Variants in DRG1 observed in about 807,000 individuals in gnomAD.
DRG1 encodes the protein developmentally regulated GTP binding protein 1.
In DRG1, 19 loss-of-function variants were observed where a neutral mutation model predicts 38.8. The observed-to-expected ratio is 0.49, with a 90% CI of 0.34 to 0.72. The LOEUF (loss-of-function observed/expected upper bound fraction) is 0.72, where lower values mean the gene tolerates loss of function less well. DRG1 is among the 30% of genes least tolerant of loss of function. The pLI is 0.01. For missense variants in DRG1, 299 were observed against 444.8 expected, an observed-to-expected ratio of 0.67 and a Z score of 2.95; for synonymous variants, 167 against 157.5, an observed-to-expected ratio of 1.06 and a Z score of -0.45.
At chr22:31,404,000 T>TG (rs869267718) in intron 3 of DRG1, among the ~76,000 whole-genome samples, 1 of 113,772 alleles carries the variant, frequency 8.8e-6, no homozygotes, top group Non-Finnish European at 1.9e-5. Context: ...TTTTTTTTTT[T>TG]GGTAGGATGC....
chr22:31,400,475 G>A (rs1168789485), intron 1 of DRG1, 145 bp from the exon 2 acceptor site: 1 of 959,880 alleles, frequency 1.0e-6, no homozygotes, highest in East Asian at 2.9e-5. Flanking sequence ...TGAGCTGGAT[G>A]GAGGAGATAA....
At chr22:31,430,716 A>C (rs2050133957) in intron 8 of DRG1, among the ~76,000 whole-genome samples, 4 of 151,646 alleles carry the variant, frequency 2.6e-5, no homozygotes, top group Admixed American at 2.6e-4. Flanking sequence ...GGTTCATTTT[A>C]GCCTTCCCAC....
chr22:31,430,090 T>C (rs942344526), intron 8 of DRG1, among the ~76,000 whole-genome samples: 1 of 152,184 alleles, frequency 6.6e-6, no homozygotes, highest in Admixed American at 6.6e-5. Flanking sequence ...TACTTAGATG[T>C]TCCCAAATGA....
chr22:31,415,529 T>G lies in DRG1; in HGVS notation c.412+4448T>G, dbSNP rs538546701. Among the ~76,000 whole-genome samples the G allele has an allele frequency of 7.9e-5, 12 of 152,218 alleles. No individual in the cohort carries two copies. In the East Asian group the frequency reaches 2.1e-3, roughly 27 times the overall value. ...TGTGTGCCACCACGCCTGGCTAATT[T>G]TTTTGTATTTTTAGTAGAAACGGGG... On this transcript the variant is annotated intron_variant, in intron 4 of 8. Transcript: ENST00000331457.
Position 31,429,029 on chromosome 22 carries a change from C to T in DRG1, c.1004+1847C>T, listed in dbSNP as rs80037721. 2.6e-3 allele frequency among the ~76,000 whole-genome samples: 397 copies of T among 152,050 alleles called. 1 individual carries two copies. The highest frequency in any genetic ancestry group is 4.4e-3 in the Non-Finnish European group (297 of 67,998). ...GCCGTGAAGGTAGTATTTTTCTCTC[C>T]GTATTTTATAAGTATCTCGGGGTAC... On this transcript the variant is annotated intron_variant, in intron 8 of 8. Coordinates refer to ENST00000331457, the MANE Select transcript of DRG1 (RefSeq NM_004147.4).
intron 4 of DRG1, among the ~76,000 whole-genome samples, chr22:31,418,838 C>T (rs569872619): frequency 1.8e-4 from 27 of 152,148 alleles, no homozygotes; most frequent in Non-Finnish European, 2.9e-4. Flanking sequence ...TGTGCCACCA[C>T]ATCCGGCTAA....
At chr22:31,425,831 A>T in intron 6 of DRG1, among the ~76,000 whole-genome samples, 1 of 152,258 alleles carries the variant, frequency 6.6e-6, no homozygotes, top group South Asian at 2.1e-4. Context: ...TCTCCTAGTC[A>T]TTTGTTCCTG....
chr22:31,406,006 C>CT (rs993821605), intron 3 of DRG1, among the ~76,000 whole-genome samples: 2,339 of 129,388 alleles, frequency 0.018, 59 homozygotes, highest in African/African-American at 0.053. Context: ...TTTCTTTTTT[C>CT]TTTTTTTTTT....
At chr22:31,418,072 A>C (rs907060887) in intron 4 of DRG1, among the ~76,000 whole-genome samples, 1 of 151,958 alleles carries the variant, frequency 6.6e-6, no homozygotes, top group Admixed American at 6.6e-5. Context: ...CGAGGTGGGC[A>C]GATCATGAGG....
chr22:31,401,365 G>A lies in DRG1; in HGVS notation c.166+622G>A, dbSNP rs2049960022. Among the ~76,000 whole-genome samples the A allele has an allele frequency of 2.0e-5, 3 of 151,724 alleles. No homozygotes were observed. In the South Asian group the frequency reaches 6.2e-4, roughly 32 times the overall value. ...TGGGAGGCCAAGGCGTGGATCACGA[G>A]ATCAGGAGTTCAAGACCAGCTTGGC... On this transcript the variant is annotated intron_variant, in intron 2 of 8. Coordinates refer to ENST00000331457, the MANE Select transcript of DRG1 (RefSeq NM_004147.4).
intron 8 of DRG1, among the ~76,000 whole-genome samples, chr22:31,427,662 C>T (rs1004541300): frequency 1.3e-5 from 2 of 152,272 alleles, no homozygotes; most frequent in South Asian, 2.1e-4. Flanking sequence ...ATCTTCTGGG[C>T]TCAAGCAGTC....
Position 31,400,720 on chromosome 22 carries a change from G to A in DRG1, c.143G>A (p.Gly48Asp). 6.2e-7 allele frequency: 1 copy of A among 1,613,246 alleles called. No individual in the cohort carries two copies. Among genetic ancestry groups the A allele is most frequent in the Non-Finnish European group, 8.5e-7 (1 of 1,179,520 alleles). The change falls in exon 2 of 9, where the codon GGT becomes GAT. Residue 48 changes from glycine to aspartate, a missense_variant. This residue lies in a region of DRG1 where 50 missense variants were observed against 120.6 expected (regional missense o/e 0.41). Transcript: ENST00000331457. ...CGAGAACTCATTACTCCAAAGGGTG[G>A]TGGTGGTGGAGGTCCAGGAGAAGGT... ...LRRELITPKGGGGGGPGEGFD... is the reference protein window; with the variant it reads ...LRRELITPKGDGGGGPGEGFD...
At position 31,424,919 on chromosome 22, in the gene DRG1, C is replaced by T. The variant is rs180739792; in HGVS notation, c.713+1509C>T. 3.1e-3 allele frequency among the ~76,000 whole-genome samples: 471 copies of T among 150,980 alleles called. 8 individuals carry two copies. The South Asian group carries it at 0.042, about 13-fold the overall frequency. ...CCGGGTTCAAGCAATTCCCCTGCCT[C>T]AGCCTCCCAAGTAGCTGGGACTACA... On this transcript the variant is annotated intron_variant, in intron 6 of 8. Transcript: ENST00000331457.
At chr22:31,402,611 C>T (rs569846094) in intron 2 of DRG1, among the ~76,000 whole-genome samples, 6 of 149,020 alleles carry the variant, frequency 4.0e-5, no homozygotes, top group South Asian at 2.1e-4. Context: ...TGGGCTCAAG[C>T]GATCCTCCCA....
At chr22:31,407,223 A>G (rs1278443566) in intron 3 of DRG1, among the ~76,000 whole-genome samples, 5 of 152,068 alleles carry the variant, frequency 3.3e-5, no homozygotes, top group African/African-American at 1.2e-4. Context: ...GACAGTTAAT[A>G]TATATTTTAG....
chr22:31,421,449 A>G (rs1488420986), intron 5 of DRG1: 2 of 151,968 alleles, frequency 1.3e-5, no homozygotes, highest in African/African-American at 2.4e-5. Flanking sequence ...AGCTAAAAAA[A>G]AAATGAACTC....
intron 3 of DRG1, among the ~76,000 whole-genome samples, chr22:31,406,007 T>C (rs2049988494): frequency 7.3e-6 from 1 of 136,636 alleles, no homozygotes; most frequent in Non-Finnish European, 1.6e-5. Flanking sequence ...TTCTTTTTTC[T>C]TTTTTTTTTT....
chr22:31,430,463 C>G (rs1224464399), intron 8 of DRG1, among the ~76,000 whole-genome samples: 1 of 151,034 alleles, frequency 6.6e-6, no homozygotes, highest in African/African-American at 2.4e-5. Context: ...GCAGTGGCGC[C>G]ATCTCCGCTC....
At chr22:31,430,862 T>C (rs1184900160) in intron 8 of DRG1, among the ~76,000 whole-genome samples, 1 of 151,790 alleles carries the variant, frequency 6.6e-6, no homozygotes, top group Non-Finnish European at 1.5e-5. Flanking sequence ...AGACCATAAG[T>C]GTATGCCACC....
Sources: allele counts gnomAD v4.1 joint callset (sites outside exome capture counted in the v4.1 genomes callset), GRCh38; gene constraint gnomAD v4.1.1; regional missense constraint gnomAD v4.1.1; transcripts MANE v1.5; gene names NCBI Gene and HGNC (gene_info 2026-07-23, HGNC 2026-07-21).